DNAH10: variants seen among roughly 807,000 people sequenced by gnomAD.
DNAH10 encodes the protein dynein axonemal heavy chain 10.
DNAH10 carries 348 observed loss-of-function variants against 506.6 expected under a neutral mutation model. The observed-to-expected ratio is 0.69, with a 90% confidence interval of 0.63 to 0.75. The LOEUF is 0.75. Among genes scored for constraint, DNAH10 ranks in the 30% least tolerant of loss-of-function variants. DNAH10 has a pLI of 0.00. For missense variants in DNAH10, 5,179 were observed against 5,787.1 expected (o/e 0.89, Z 3.41); for synonymous variants, 2,059 against 2,198.6 (o/e 0.94, Z 1.78).
intron 2 of DNAH10, among the ~76,000 whole-genome samples, chr12:123,770,667 T>C (rs1399931711): frequency 6.6e-6 from 1 of 152,126 alleles, no homozygotes; most frequent in East Asian, 1.9e-4. Flanking sequence ...ATGCAAAAAC[T>C]AATAGCAGAG....
rs565285029 is a variant in DNAH10 at position 123,765,997 on chromosome 12, T to G, written c.215-1609T>G. Among the ~76,000 whole-genome samples the G allele has an allele frequency of 2.0e-5, 3 of 152,282 alleles. No individual in the cohort carries two copies. The South Asian group carries it at 6.2e-4, about 32-fold the overall frequency. On this transcript the variant is annotated intron_variant, in intron 1 of 78. Coordinates refer to ENST00000673944, the MANE Select transcript of DNAH10 (RefSeq NM_001372106.1). ...ATCATCTATCTATCCATCTATCAAT[T>G]ATCTACCAATTTATCTACCTACCTA... is the stretch of plus-strand genomic sequence containing the variant.
In DNAH10 at chr12:123,909,262, T is replaced by A. The variant is rs1166966372; in HGVS notation, c.9817T>A (p.Ser3273Thr). 4 of 1,612,606 alleles carry A rather than the reference T, an allele frequency of 2.5e-6. No individual in the cohort carries two copies. Among genetic ancestry groups the A allele is most frequent in the African/African-American group, 1.3e-5 (1 of 74,936 alleles). The change falls in exon 58 of 79, where the codon TCG becomes ACG. Residue 3273 changes from serine (S) to threonine (T), a missense_variant and splice_region_variant. By Grantham distance (58) the Ser-to-Thr change is moderately conservative. This residue lies in a region of DNAH10 where 4,844 missense variants were observed against 5,430.5 expected (regional missense o/e 0.89). Transcript: ENST00000673944. This position sits in a 1 kb window ranked among gnomAD's most constrained non-coding sequence, Gnocchi z 5.4. ...LDKSDVTEIR[S>T]FAKPPKQVQT... ...CCACGTGCCTTGGTTTCTTGCCAGG[T>A]CGTTTGCTAAGCCCCCGAAGCAGGT...
At position 123,850,847 on chromosome 12, in the gene DNAH10, C is replaced by T. The variant is rs376924378; in HGVS notation, c.6103-41C>T. 16 of 1,571,120 alleles carry T rather than the reference C, an allele frequency of 1.0e-5. No homozygotes were observed. The highest frequency in any genetic ancestry group is 2.0e-4 in the Middle Eastern group (1 of 5,050). On this transcript the variant is annotated intron_variant, in intron 34 of 78. Coordinates refer to ENST00000673944, the MANE Select transcript of DNAH10 (RefSeq NM_001372106.1). The surrounding 1 kb of genome is among the most constrained non-coding windows in gnomAD (Gnocchi z 5.5). ...CTTTCCAAGGGGCTGGCCGGCCGGG[C>T]CACCTAACTGCTTCTTTCTTTCTTC...
chr12:123,931,378 A>G lies in DNAH10; in HGVS notation c.12822A>G (p.Glu4274=). Residue 4274 remains glutamate, a synonymous_variant, in exon 74 of 79, where the codon GAA becomes GAG. Coordinates refer to ENST00000673944, the MANE Select transcript of DNAH10 (RefSeq NM_001372106.1). ...IEALPLANTP[E]VFGLHPNAEI... is the part of the protein sequence containing the mutation. Reference sequence around the variant, plus strand: ...CCCTCCCGCTTGCCAACACGCCAGAAGTGTTTGGTCTCCACCCCAACGCTG... The same window carrying G: ...CCCTCCCGCTTGCCAACACGCCAGAGGTGTTTGGTCTCCACCCCAACGCTG... 3 of 1,613,960 alleles carry G rather than the reference A, an allele frequency of 1.9e-6. No individual in the cohort carries two copies. The highest frequency in any genetic ancestry group is 2.5e-6 in the Non-Finnish European group (3 of 1,179,908).
rs878898742 is a variant in DNAH10 at position 123,903,179 on chromosome 12, C to T, written c.9815+66C>T. 4.7e-6 allele frequency: 7 copies of T among 1,502,666 alleles called. No individual in the cohort carries two copies. The highest frequency in any genetic ancestry group is 1.4e-5 in the African/African-American group (1 of 71,388). 93.1% of individuals were successfully genotyped at this position (1,502,666 alleles called of 1,614,324 possible). On this transcript the variant is annotated intron_variant, in intron 57 of 78. Transcript: ENST00000673944. The surrounding 1 kb of genome is among the most constrained non-coding windows in gnomAD (Gnocchi z 4.6). The stretch of plus-strand genomic sequence containing the variant: ...TCTGCAAGCCAGTAGTCTCCATGAT[C>T]GTGGCAACCAGGAGCTTACAAAGGA...
intron 52 of DNAH10, among the ~76,000 whole-genome samples, chr12:123,891,985 G>T (rs1050769273): frequency 1.3e-5 from 2 of 152,250 alleles, no homozygotes; most frequent in Non-Finnish European, 2.9e-5. Flanking sequence ...AGGGGAGCTA[G>T]TTGGAGACTC....
At chr12:123,826,278 GTGTAAATATTT>G (rs1959984547) in intron 24 of DNAH10, among the ~76,000 whole-genome samples, 1 of 152,176 alleles carries the variant, frequency 6.6e-6, no homozygotes, top group Non-Finnish European at 1.5e-5. Flanking sequence ...GTGATCTAGA[GTGTAAATATTT>G]TGTAACCTTA....
At chr12:123,800,409 A>G in intron 15 of DNAH10, 21 bp downstream of exon 15, 1 of 1,608,006 alleles carries the variant, frequency 6.2e-7, no homozygotes, top group Admixed American at 1.7e-5. Context: ...TCTTCTTTTA[A>G]ATTAGCAGTA....
rs1299121053 is a variant in DNAH10, at chr12:123,850,243, T to C, written c.6103-645T>C. On this transcript the variant is annotated intron_variant, in intron 34 of 78. Coordinates refer to ENST00000673944, the MANE Select transcript of DNAH10 (RefSeq NM_001372106.1). This position sits in a 1 kb window ranked among gnomAD's most constrained non-coding sequence, Gnocchi z 5.5. ...ATCAAAAAAAATAAAATAGAAAACT[T>C]CACCGAGAGACGACCGGACTCAACC... Among the ~76,000 whole-genome samples the C allele has an allele frequency of 2.0e-5, 3 of 151,582 alleles. No homozygotes were observed. Among genetic ancestry groups the C allele is most frequent in the African/African-American group, 7.3e-5 (3 of 41,246 alleles).
chr12:123,900,311 G>C (rs1249737282), intron 56 of DNAH10, among the ~76,000 whole-genome samples: 5 of 152,150 alleles, frequency 3.3e-5, no homozygotes, highest in Non-Finnish European at 7.3e-5. Context: ...TGTCTTGAAG[G>C]ATGCTGGTAT....
chr12:123,780,420 C>T (rs1957603431), intron 5 of DNAH10, among the ~76,000 whole-genome samples: 1 of 151,112 alleles, frequency 6.6e-6, no homozygotes, highest in African/African-American at 2.4e-5. Context: ...CCAGCCTCGG[C>T]CTCCCAAAGT....
At chr12:123,828,630 C>G (rs531227803) in intron 25 of DNAH10, among the ~76,000 whole-genome samples, 12 of 152,282 alleles carry the variant, frequency 7.9e-5, no homozygotes, top group African/African-American at 2.6e-4. Context: ...TTTACTGGGA[C>G]CCATTGTATA....
chr12:123,800,996 G>A (rs568520306), intron 15 of DNAH10, among the ~76,000 whole-genome samples: 1 of 151,578 alleles, frequency 6.6e-6, no homozygotes, highest in Admixed American at 6.6e-5. Flanking sequence ...CAGCCTAGGC[G>A]ACAGAGCGAG....
At chr12:123,866,369 G>T (rs1033265717) in intron 41 of DNAH10, among the ~76,000 whole-genome samples, 1 of 149,848 alleles carries the variant, frequency 6.7e-6, no homozygotes, top group Non-Finnish European at 1.5e-5. Context: ...TCAGCCTCCC[G>T]AGTAGCTGGG....
chr12:123,770,746 A>G (rs2135972554), intron 2 of DNAH10, among the ~76,000 whole-genome samples: 1 of 152,222 alleles, frequency 6.6e-6, no homozygotes, highest in Admixed American at 6.5e-5. Context: ...CTTTCAAAGT[A>G]AGAGCTGAGG....
chr12:123,879,926 C>T (rs926222307), intron 50 of DNAH10, 125 bp downstream of exon 50: 42 of 1,151,908 alleles, frequency 3.6e-5, no homozygotes, highest in Admixed American at 2.5e-4. Flanking sequence ...GCTTGAAATA[C>T]GGGCTTGTGT....
chr12:123,885,264 C>T (rs9669530), intron 51 of DNAH10, among the ~76,000 whole-genome samples: 25 of 151,994 alleles, frequency 1.6e-4, no homozygotes, highest in Admixed American at 1.5e-3. Context: ...TAACTTATGT[C>T]ATTTTTCCCC....
chr12:123,767,221 A>G (rs1456543705), intron 1 of DNAH10, among the ~76,000 whole-genome samples: 1 of 152,184 alleles, frequency 6.6e-6, no homozygotes, highest in Non-Finnish European at 1.5e-5. Flanking sequence ...TTCAGTTTTT[A>G]AATTGTGGTA....
In DNAH10 at chr12:123,916,604, C is replaced by T. The variant is rs371985313; in HGVS notation, c.10870C>T (p.Arg3624Trp). Reference sequence around the variant, plus strand: ...AAAAAATATAAAAGTCTCCCAAGGACGGCAGTTTATTATCCTGGGAGACAA... The same window carrying T: ...AAAAAATATAAAAGTCTCCCAAGGATGGCAGTTTATTATCCTGGGAGACAA... ...LEKNIKVSQG[R>W]QFIILGDKEV... is the part of the protein sequence containing the mutation. Residue 3624 changes from arginine to tryptophan, a missense_variant, in exon 63 of 79, where the codon CGG (arginine) becomes TGG (tryptophan). Around this residue, in one of 3 missense-constraint regions of DNAH10, gnomAD observed 4,844 missense variants for 5,430.5 expected, o/e 0.89. Transcript: ENST00000673944. The surrounding 1 kb of genome is among the most constrained non-coding windows in gnomAD (Gnocchi z 4.6). 170 of 1,613,754 alleles carry T rather than the reference C, an allele frequency of 1.1e-4. No homozygotes were observed. Among genetic ancestry groups the T allele is most frequent in the Admixed American group, 3.8e-4 (23 of 59,996 alleles).
Sources: allele counts gnomAD v4.1 joint callset (sites outside exome capture counted in the v4.1 genomes callset), GRCh38; gene constraint gnomAD v4.1.1; regional missense constraint gnomAD v4.1.1; non-coding constraint Gnocchi (gnomAD v3.1); transcripts MANE v1.5; gene names NCBI Gene and HGNC (gene_info 2026-07-23, HGNC 2026-07-21).